RPGRIP1: variants seen among roughly 807,000 people sequenced by gnomAD.
The protein encoded by RPGRIP1 is RPGR interacting protein 1, also known as X-linked retinitis pigmentosa GTPase regulator-interacting protein 1.
RPGRIP1 carries 128 observed loss-of-function variants against 157.9 expected under a neutral mutation model. The ratio of observed to expected loss-of-function variants is 0.81; its 90% CI spans 0.70 to 0.94. RPGRIP1 has a LOEUF of 0.94. Ranked by LOEUF, RPGRIP1 falls within the 40% of genes least tolerant of loss-of-function variation. The probability of loss-of-function intolerance (pLI) is 0.00; values close to 1 mark genes in which losing one functional copy is unlikely to be tolerated. For synonymous variants in RPGRIP1, 554 were observed against 571.6 expected (o/e 0.97, Z 0.44); for missense variants, 1,486 against 1,545.8 (o/e 0.96, Z 0.65).
chr14:21,314,968 G>A (rs557096639), intron 10 of RPGRIP1, among the ~76,000 whole-genome samples: 1 of 151,640 alleles, frequency 6.6e-6, no homozygotes, highest in East Asian at 2.0e-4. Flanking sequence ...AGGTTGCAGT[G>A]AGCTGAGATT....
chr14:21,299,743 T>C (rs1880944022), intron 3 of RPGRIP1, among the ~76,000 whole-genome samples: 1 of 152,216 alleles, frequency 6.6e-6, no homozygotes, highest in Admixed American at 6.6e-5. Context: ...GCAGTGTGTC[T>C]TAGTCAGCTC....
chr14:21,284,425 C>A (rs1463961258), intron 1 of RPGRIP1, among the ~76,000 whole-genome samples: 1 of 148,324 alleles, frequency 6.7e-6, no homozygotes, highest in Non-Finnish European at 1.5e-5. Context: ...ATTACAATTC[C>A]TCTTTGGGAA....
rs529733239 is a variant in RPGRIP1 at position 21,316,502 on chromosome 14, C to T, written c.1152-1194C>T. On this transcript the variant is annotated intron_variant, in intron 10 of 24. Coordinates refer to ENST00000400017, the MANE Select transcript of RPGRIP1 (RefSeq NM_020366.4). ...CACGATCTCAGCTCGCTGCAGTGTC[C>T]GCCTGCTGGGTTCAAGCAATTCTCC... 3.3e-5 allele frequency among the ~76,000 whole-genome samples: 5 copies of T among 152,012 alleles called. No individual in the cohort carries two copies. In the South Asian group the frequency reaches 6.2e-4, roughly 19 times the overall value.
intron 14 of RPGRIP1, among the ~76,000 whole-genome samples, chr14:21,322,720 GA>G (rs1882638231): frequency 6.6e-6 from 1 of 152,028 alleles, no homozygotes; most frequent in Non-Finnish European, 1.5e-5. Context: ...TCGGATAATA[GA>G]ACTTCATCAC....
At chr14:21,308,945 G>A (rs973777498) in intron 7 of RPGRIP1, among the ~76,000 whole-genome samples, 7 of 152,138 alleles carry the variant, frequency 4.6e-5, no homozygotes, top group Non-Finnish European at 8.8e-5. Flanking sequence ...CACACGTGGG[G>A]ATATGTGGGG....
intron 6 of RPGRIP1, among the ~76,000 whole-genome samples, chr14:21,306,747 G>A (rs536526061): frequency 2.0e-5 from 3 of 150,784 alleles, no homozygotes; most frequent in East Asian, 2.0e-4. Context: ...GTGAGCCACC[G>A]TGCCGGGTGT....
rs565646906 is a variant in RPGRIP1, at chr14:21,314,733, G to A, written c.1151+2227G>A. Among the ~76,000 whole-genome samples, 383 of 136,294 alleles carry A rather than the reference G, an allele frequency of 2.8e-3. 6 individuals carry two copies. Among genetic ancestry groups the A allele is most frequent in the Non-Finnish European group, 7.1e-4 (45 of 63,510 alleles). The allele number at this position is 136,294 out of a possible 152,430, so 89.4% of individuals were successfully genotyped here. ...TGTCTCGAAAAAAAAAAAAAAAATA[G>A]CCGGGCAGCTGGGCGCAGTGGCTCA... On this transcript the variant is annotated intron_variant, in intron 10 of 24. Coordinates refer to ENST00000400017, the MANE Select transcript of RPGRIP1 (RefSeq NM_020366.4).
intron 10 of RPGRIP1, among the ~76,000 whole-genome samples, chr14:21,315,139 A>G (rs1486096081): frequency 1.3e-5 from 2 of 152,156 alleles, no homozygotes; most frequent in Non-Finnish European, 2.9e-5. Context: ...AGCCATGTGC[A>G]GTGCAGTGCA....
chr14:21,325,849 G>A lies in RPGRIP1; in HGVS notation c.2386G>A (p.Glu796Lys), dbSNP rs1566344172. ...TTTCCAGTTCAGATCGGAGTCTTGG[G>A]AACCTCAGAACGAGCTGTGGATTGA... is the stretch of plus-strand genomic sequence containing the variant. ...QEEEFRSESWEPQNELWIEIT... is the reference protein window; with the variant it reads ...QEEEFRSESWKPQNELWIEIT... The change falls in exon 17 of 25, where the codon GAA (glutamate) becomes AAA (lysine). Residue 796 changes from glutamate (E) to lysine (K), a missense_variant. Transcript: ENST00000400017. The A allele has an allele frequency of 6.2e-7, 1 of 1,612,918 alleles. No individual in the cohort carries two copies. The highest frequency in any genetic ancestry group is 1.7e-5 in the Admixed American group (1 of 60,008).
At chr14:21,317,971 T>C in intron 11 of RPGRIP1, 121 bp downstream of exon 11, 1 of 841,308 alleles carries the variant, frequency 1.2e-6, no homozygotes, top group Non-Finnish European at 1.9e-6. Flanking sequence ...TTGTGGGTTG[T>C]AGGTAACTAG....
At chr14:21,284,911 A>G (rs766809806) in intron 1 of RPGRIP1, among the ~76,000 whole-genome samples, 1 of 152,202 alleles carries the variant, frequency 6.6e-6, no homozygotes, top group Non-Finnish European at 1.5e-5. Flanking sequence ...GAATGCTTTA[A>G]GAACTTTTTG....
intron 24 of RPGRIP1, among the ~76,000 whole-genome samples, chr14:21,349,942 G>C (rs1594287036): frequency 6.6e-6 from 1 of 152,090 alleles, no homozygotes; most frequent in Non-Finnish European, 1.5e-5. Context: ...TTATCTGCTA[G>C]GACCTTCAGA....
At chr14:21,342,606 C>T (rs564446140) in intron 21 of RPGRIP1, among the ~76,000 whole-genome samples, 39 of 151,942 alleles carry the variant, frequency 2.6e-4, no homozygotes, top group African/African-American at 9.2e-4. Context: ...ATATAATCAT[C>T]GGGTACAAGC....
chr14:21,329,121 G>A (rs554197717), intron 19 of RPGRIP1, among the ~76,000 whole-genome samples: 1 of 136,090 alleles, frequency 7.3e-6, no homozygotes, highest in African/African-American at 2.9e-5. Context: ...TCCAGCCTGA[G>A]CAACAAGTGA....
intron 2 of RPGRIP1, among the ~76,000 whole-genome samples, chr14:21,292,116 T>G (rs1208555750): frequency 6.6e-6 from 1 of 151,904 alleles, no homozygotes; most frequent in African/African-American, 2.4e-5. Flanking sequence ...GGTCTCAAAC[T>G]CCTGAACTCA....
At chr14:21,304,588 G>A (rs1278034446) in intron 6 of RPGRIP1, among the ~76,000 whole-genome samples, 1 of 151,976 alleles carries the variant, frequency 6.6e-6, no homozygotes, top group Non-Finnish European at 1.5e-5. Flanking sequence ...TTTTAAAAAT[G>A]TATTTTTCAG....
intron 10 of RPGRIP1, among the ~76,000 whole-genome samples, chr14:21,314,714 G>A (rs1215041604): frequency 2.1e-4 from 27 of 131,030 alleles, no homozygotes; most frequent in South Asian, 9.8e-4. Context: ...ACTCTGTCTC[G>A]AAAAAAAAAA....
chr14:21,347,064 CT>C (rs949014594), intron 23 of RPGRIP1, among the ~76,000 whole-genome samples: 17 of 152,226 alleles, frequency 1.1e-4, no homozygotes, highest in Admixed American at 3.3e-4. Flanking sequence ...TTAGCTTTCA[CT>C]TTTTTTTCCC....
At chr14:21,307,414 G>A (rs190737318) in intron 6 of RPGRIP1, among the ~76,000 whole-genome samples, 45 of 152,334 alleles carry the variant, frequency 3.0e-4, no homozygotes, top group African/African-American at 1.0e-3. Context: ...CTAAGGAAAC[G>A]GCTGAGACCT....
Sources: gnomAD v4.1 joint callset for allele counts (sites outside exome capture counted in the v4.1 genomes callset) on GRCh38, gnomAD v4.1.1 for gene constraint, MANE v1.5 for transcripts, NCBI Gene and HGNC (gene_info 2026-07-23, HGNC 2026-07-21) for gene names.